Variants in IGF1R observed in about 807,000 individuals in gnomAD.
IGF1R encodes insulin-like growth factor 1 receptor.
In IGF1R, 44 loss-of-function variants were observed where a neutral mutation model predicts 144.6. The observed-to-expected ratio is 0.30, with a 90% CI of 0.24 to 0.39. The LOEUF (loss-of-function observed/expected upper bound fraction) is 0.39. Among genes scored for constraint, IGF1R ranks in the 10% least tolerant of loss-of-function variants. The pLI is 1.00. For synonymous variants in IGF1R, 795 were observed against 722.8 expected (o/e 1.10, Z -1.60); for missense variants, 1,355 against 1,833.7 (o/e 0.74, Z 4.77).
intron 2 of IGF1R, chr15:98,820,907 C>T (rs777938214): frequency 1.3e-5 from 2 of 152,156 alleles, no homozygotes; most frequent in Admixed American, 6.5e-5. Flanking sequence ...CCCCAGTTCA[C>T]GGAAGTACCA....
chr15:98,796,590 C>A (rs1451336099), intron 2 of IGF1R, among the ~76,000 whole-genome samples: 2 of 152,182 alleles, frequency 1.3e-5, no homozygotes, highest in Non-Finnish European at 2.9e-5. Context: ...CTGCACACTA[C>A]CTGTATGGTC....
chr15:98,810,554 C>CTTTTTTTTTTT (rs1289249437), intron 2 of IGF1R, among the ~76,000 whole-genome samples: 2 of 138,720 alleles, frequency 1.4e-5, no homozygotes, highest in Non-Finnish European at 3.1e-5. Flanking sequence ...CTTTTCTTTT[C>CTTTTTTTTTTT]TTTTTTTTTT....
chr15:98,797,162 C>G lies in IGF1R; in HGVS notation c.640+89055C>G, dbSNP rs74034210. Among the ~76,000 whole-genome samples the G allele has an allele frequency of 7.7e-3, 1,176 of 152,336 alleles. 7 individuals carry two copies. The highest frequency in any genetic ancestry group is 0.027 in the African/African-American group (1,115 of 41,564). ...GCAGCACTGATAAATGCCACACCTG[C>G]TTTCTCAGCAGTCTTGCGGGGTGAT... On this transcript the variant is annotated intron_variant, in intron 2 of 20. Coordinates refer to ENST00000650285, the MANE Select transcript of IGF1R (RefSeq NM_000875.5).
At chr15:98,726,562 G>T (rs573632312) in intron 2 of IGF1R, among the ~76,000 whole-genome samples, 16 of 152,174 alleles carry the variant, frequency 1.1e-4, no homozygotes, top group African/African-American at 3.9e-4. Flanking sequence ...TGACTCTTAT[G>T]AGAAAGGAAA....
chr15:98,757,123 A>G (rs2055174966), intron 2 of IGF1R, among the ~76,000 whole-genome samples: 1 of 152,096 alleles, frequency 6.6e-6, no homozygotes. Context: ...AAATTCATGT[A>G]TGTTTTCAGT....
At chr15:98,844,524 A>C (rs1215643680) in intron 2 of IGF1R, among the ~76,000 whole-genome samples, 1 of 152,152 alleles carries the variant, frequency 6.6e-6, no homozygotes, top group Non-Finnish European at 1.5e-5. Context: ...AGGCATGTCT[A>C]CTTACAAATA....
In IGF1R at chr15:98,939,151, G is replaced by GAA. The variant is rs199531568; in HGVS notation, c.3298-41_3298-40dup. On this transcript the variant is annotated intron_variant, in intron 17 of 20. Coordinates refer to ENST00000650285, the MANE Select transcript of IGF1R (RefSeq NM_000875.5). ...GCAAACCTCGAAAGAAATTGGCATG[G>GAA]AAAAAAAAAATCCAAAATTCTCATG... is the stretch of plus-strand genomic sequence containing the variant. 5 of 1,437,418 alleles carry GAA rather than the reference G, an allele frequency of 3.5e-6. No homozygotes were observed. The African/African-American group carries it at 4.3e-5, about 12-fold the overall frequency. 89.0% of individuals were successfully genotyped at this position (1,437,418 alleles called of 1,614,324 possible).
intron 1 of IGF1R, among the ~76,000 whole-genome samples, chr15:98,682,616 C>T (rs1369724097): frequency 6.6e-6 from 1 of 152,020 alleles, no homozygotes; most frequent in East Asian, 1.9e-4. Flanking sequence ...GGCCTGATCT[C>T]GGCTCACTGC....
rs1245373761 is a variant in IGF1R, at chr15:98,704,109, C to T, written c.95-3453C>T. On this transcript the variant is annotated intron_variant, in intron 1 of 20. Transcript: ENST00000650285. The surrounding 1 kb of genome is among the most constrained non-coding windows in gnomAD (Gnocchi z 4.9). ...CCCCTTCAGCTGTGATGTGTCTTTT[C>T]CACACATGCCCAGATTCCCTCAGAC... 6.6e-6 allele frequency among the ~76,000 whole-genome samples: 1 copy of T among 152,138 alleles called. No individual in the cohort carries two copies. The highest frequency in any genetic ancestry group is 1.5e-5 in the Non-Finnish European group (1 of 68,034).
chr15:98,903,737 C>T (rs1331921347), intron 5 of IGF1R, among the ~76,000 whole-genome samples: 5 of 152,186 alleles, frequency 3.3e-5, no homozygotes. Context: ...CAACTGACTA[C>T]TCAACAATAA....
rs572253480 is a variant in IGF1R at position 98,804,516 on chromosome 15, T to C, written c.641-86809T>C. 2.5e-4 allele frequency among the ~76,000 whole-genome samples: 38 copies of C among 152,252 alleles called. 2 individuals carry two copies. Among genetic ancestry groups the C allele is most frequent in the African/African-American group, 8.2e-4 (34 of 41,536 alleles). On this transcript the variant is annotated intron_variant, in intron 2 of 20. Coordinates refer to ENST00000650285, the MANE Select transcript of IGF1R (RefSeq NM_000875.5). Reference sequence around the variant, plus strand: ...ACAGTGGTTTGCTTGTTGATTCTGCTTTGAGAGGATGGGGATGCACTCCAG... The same window carrying C: ...ACAGTGGTTTGCTTGTTGATTCTGCCTTGAGAGGATGGGGATGCACTCCAG...
intron 10 of IGF1R, among the ~76,000 whole-genome samples, chr15:98,917,944 A>G (rs1010028106): frequency 5.3e-5 from 8 of 152,230 alleles, no homozygotes; most frequent in Admixed American, 1.3e-4. Context: ...TGTGAATGCA[A>G]TTAATGCCAC....
chr15:98,803,202 G>A (rs1232656882), intron 2 of IGF1R, among the ~76,000 whole-genome samples: 1 of 152,130 alleles, frequency 6.6e-6, no homozygotes, highest in Non-Finnish European at 1.5e-5. Flanking sequence ...ACACACCTAG[G>A]GTCCATGGTA....
At chr15:98,795,317 C>G (rs371958598) in intron 2 of IGF1R, among the ~76,000 whole-genome samples, 2 of 152,246 alleles carry the variant, frequency 1.3e-5, no homozygotes, top group East Asian at 3.9e-4. Context: ...TTTTTTTGGT[C>G]TTAACACATT....
chr15:98,769,783 A>G (rs1162028666), intron 2 of IGF1R, among the ~76,000 whole-genome samples: 1 of 152,056 alleles, frequency 6.6e-6, no homozygotes. Flanking sequence ...ATTCTCTTCT[A>G]TTTTCTTATC....
At chr15:98,655,548 G>A (rs1229874406) in intron 1 of IGF1R, among the ~76,000 whole-genome samples, 1 of 151,596 alleles carries the variant, frequency 6.6e-6, no homozygotes, top group Non-Finnish European at 1.5e-5. Flanking sequence ...ACTGGATGCA[G>A]TTCTTTAGGT....
At chr15:98,834,761 C>T (rs1016737607) in intron 2 of IGF1R, among the ~76,000 whole-genome samples, 35 of 152,132 alleles carry the variant, frequency 2.3e-4, no homozygotes, top group African/African-American at 8.2e-4. Flanking sequence ...TGCCCCTGGA[C>T]ATGGAAGGGT....
At chr15:98,862,049 C>A (rs1432094078) in intron 2 of IGF1R, among the ~76,000 whole-genome samples, 1 of 144,278 alleles carries the variant, frequency 6.9e-6, no homozygotes. Flanking sequence ...GAAACCCTGA[C>A]AAACTCTTTT....
intron 4 of IGF1R, chr15:98,897,529 A>G (rs1170932806): frequency 2.6e-5 from 4 of 154,128 alleles, no homozygotes; most frequent in Non-Finnish European, 5.8e-5. Flanking sequence ...AGGATTTCCC[A>G]CTGACTTAGC....
Sources: allele counts gnomAD v4.1 joint callset (sites outside exome capture counted in the v4.1 genomes callset), GRCh38; gene constraint gnomAD v4.1.1; non-coding constraint Gnocchi (gnomAD v3.1); transcripts MANE v1.5; gene names NCBI Gene and HGNC (gene_info 2026-07-23, HGNC 2026-07-21).